XKR9: variants seen among roughly 807,000 people sequenced by gnomAD.
The protein encoded by XKR9 is XK-related protein 9.
In XKR9, 32 loss-of-function variants were observed where a neutral mutation model predicts 32.0. The observed-to-expected ratio is 1.00, with a 90% CI of 0.76 to 1.34. XKR9 has a LOEUF of 1.34. Among genes scored for constraint, XKR9 ranks in the 40% most tolerant of loss-of-function variants. The pLI, the probability that XKR9 is intolerant of heterozygous loss-of-function variation, is 0.00. For synonymous variants in XKR9, 168 were observed against 143.4 expected, an observed-to-expected ratio of 1.17 and a Z score of -1.22; for missense variants, 546 against 429.7, an observed-to-expected ratio of 1.27 and a Z score of -2.39.
chr8:70,685,239 A>G lies in XKR9; in HGVS notation c.272+3909A>G, dbSNP rs1462224288. 6.2e-3 allele frequency among the ~76,000 whole-genome samples: 917 copies of G among 148,698 alleles called. 10 individuals are homozygous for G. The highest frequency in any genetic ancestry group is 0.021 in the African/African-American group (830 of 40,046). ...AAATCATCATTCTCAGTAAACTATC[A>G]CAAGAACAAAAAACCAAACACCGCA... On this transcript the variant is annotated intron_variant, in intron 3 of 4. Transcript: ENST00000408926.
intron 1 of XKR9, 83 bp from the exon 2 acceptor site, chr8:70,674,735 C>T (rs1818827235): frequency 6.6e-6 from 1 of 152,174 alleles, no homozygotes; most frequent in Non-Finnish European, 1.5e-5. Context: ...GAAAATGCCA[C>T]ATATGACTAA....
the XKR9 span, among the ~76,000 whole-genome samples, chr8:70,805,383 C>A: frequency 5.3e-5 from 8 of 152,216 alleles, no homozygotes; most frequent in Admixed American, 4.6e-4. Flanking sequence ...CTTAGCCTAC[C>A]GAGCTCCCGG....
intron 2 of XKR9, among the ~76,000 whole-genome samples, chr8:70,778,405 G>T (rs2130246786): frequency 6.6e-6 from 1 of 152,240 alleles, no homozygotes; most frequent in Non-Finnish European, 1.5e-5. Flanking sequence ...TGTTCTTTTT[G>T]CTTAGGATTG....
the XKR9 span, among the ~76,000 whole-genome samples, chr8:70,887,406 G>T: frequency 3.9e-5 from 6 of 151,968 alleles, no homozygotes; most frequent in Non-Finnish European, 8.8e-5. Flanking sequence ...GGCTATATGG[G>T]CTTTTTTTTT....
chr8:70,815,077 C>T, the XKR9 span, among the ~76,000 whole-genome samples: 30 of 152,180 alleles, frequency 2.0e-4, no homozygotes, highest in South Asian at 6.2e-4. Flanking sequence ...CACTGATGAA[C>T]GAAATTGTAG....
chr8:70,832,912 C>A, the XKR9 span, among the ~76,000 whole-genome samples: 1 of 152,166 alleles, frequency 6.6e-6, no homozygotes, highest in African/African-American at 2.4e-5. Flanking sequence ...ACTGATACAT[C>A]TTCAGTGTCT....
At chr8:70,852,476 A>G in the XKR9 span, among the ~76,000 whole-genome samples, 1 of 152,102 alleles carries the variant, frequency 6.6e-6, no homozygotes, top group African/African-American at 2.4e-5. Context: ...TCATTCTACT[A>G]TATAAAGGAT....
At chr8:70,741,082 C>T (rs1207493116) in intron 2 of XKR9, among the ~76,000 whole-genome samples, 2 of 152,262 alleles carry the variant, frequency 1.3e-5, no homozygotes, top group East Asian at 1.9e-4. Flanking sequence ...GTGGAGCCTA[C>T]AGAGGCAGGC....
the XKR9 span, among the ~76,000 whole-genome samples, chr8:71,030,105 T>C: frequency 2.0e-5 from 3 of 152,200 alleles, no homozygotes; most frequent in African/African-American, 4.8e-5. Flanking sequence ...TATCCATTTA[T>C]ATTTTATTTG....
At chr8:70,955,929 T>C in the XKR9 span, among the ~76,000 whole-genome samples, 1 of 152,184 alleles carries the variant, frequency 6.6e-6, no homozygotes, top group East Asian at 1.9e-4. Context: ...CAGTGGGTAC[T>C]CCTGTCTGGA....
the XKR9 span, among the ~76,000 whole-genome samples, chr8:71,028,020 C>T: frequency 6.6e-6 from 1 of 152,152 alleles, no homozygotes; most frequent in African/African-American, 2.4e-5. Context: ...GTAATCCTGC[C>T]ACCTTGGCCT....
intron 3 of XKR9, among the ~76,000 whole-genome samples, chr8:70,689,248 A>G (rs1361298815): frequency 2.0e-5 from 3 of 152,018 alleles, no homozygotes; most frequent in African/African-American, 7.2e-5. Context: ...AAGTTGTATA[A>G]AAGATGCTAA....
the XKR9 span, among the ~76,000 whole-genome samples, chr8:70,877,585 A>G: frequency 6.6e-6 from 1 of 152,238 alleles, no homozygotes; most frequent in Non-Finnish European, 1.5e-5. Flanking sequence ...AAATTAATGA[A>G]ATAAAGCAAG....
intron 3 of XKR9, among the ~76,000 whole-genome samples, chr8:70,689,535 T>A (rs1258963410): frequency 6.7e-6 from 1 of 150,076 alleles, no homozygotes; most frequent in East Asian, 1.9e-4. Flanking sequence ...GAGCTTCCTC[T>A]TCTAGAAATT....
chr8:70,778,871 A>T (rs1807571205), intron 2 of XKR9, among the ~76,000 whole-genome samples: 1 of 152,174 alleles, frequency 6.6e-6, no homozygotes, highest in Non-Finnish European at 1.5e-5. Context: ...GGTTTTCTAA[A>T]TATACAGTTA....
At chr8:71,042,803 G>A in the XKR9 span, among the ~76,000 whole-genome samples, 2 of 152,106 alleles carry the variant, frequency 1.3e-5, no homozygotes, top group Non-Finnish European at 2.9e-5. Flanking sequence ...AAGGTCCTTC[G>A]TTACATGAGC....
the XKR9 span, among the ~76,000 whole-genome samples, chr8:70,832,337 G>A: frequency 6.6e-6 from 1 of 151,960 alleles, no homozygotes; most frequent in Non-Finnish European, 1.5e-5. Context: ...CTTTTTAGGA[G>A]AAAAGTAAAA....
At chr8:70,738,877 G>A (rs1194142973), downstream of XKR9, among the ~76,000 whole-genome samples, 2 of 152,132 alleles carry the variant, frequency 1.3e-5, no homozygotes, top group African/African-American at 4.8e-5. Context: ...GCTGAGGAGA[G>A]CTTTACTTCC....
chr8:70,750,943 A>G (rs993374589), intron 2 of XKR9, among the ~76,000 whole-genome samples: 4 of 152,276 alleles, frequency 2.6e-5, no homozygotes, highest in African/African-American at 7.2e-5. Context: ...AGCAAAACAT[A>G]TTGCTCTCCG....
Sources: allele counts gnomAD v4.1 joint callset (sites outside exome capture counted in the v4.1 genomes callset), GRCh38; gene constraint gnomAD v4.1.1; transcripts MANE v1.5; gene names NCBI Gene and HGNC (gene_info 2026-07-23, HGNC 2026-07-21).